The following MYRIP variants were observed in gnomAD, a reference collection of about 807,000 sequenced individuals.
MYRIP encodes rab effector MyRIP.
Under a neutral mutation model 98.0 loss-of-function variants are expected in MYRIP, and 49 were observed. That is an observed-to-expected ratio of 0.50 (90% CI 0.40 to 0.63). MYRIP has a LOEUF of 0.63. MYRIP is among the 30% of genes least tolerant of loss of function. The probability of loss-of-function intolerance (pLI) is 0.00; values close to 1 mark genes in which losing one functional copy is unlikely to be tolerated. For missense variants in MYRIP, 1,004 were observed against 1,058.2 expected (o/e 0.95, Z 0.71); for synonymous variants, 404 against 409.5 (o/e 0.99, Z 0.16).
intron 3 of MYRIP, among the ~76,000 whole-genome samples, chr3:40,129,064 A>G (rs1305367112): frequency 6.6e-6 from 1 of 152,124 alleles, no homozygotes; most frequent in Non-Finnish European, 1.5e-5. Context: ...TCCTTAAAAC[A>G]AAAATGACAA....
At position 39,899,881 on chromosome 3, in the gene MYRIP, C is replaced by T. The variant is rs550753859; in HGVS notation, c.-30-906C>T. Reference sequence around the variant, plus strand: ...TGTCACCCAGGCTGGAGTGCACTGGCGCGATCTCAGCTCACTGCAACCTCT... The same window carrying T: ...TGTCACCCAGGCTGGAGTGCACTGGTGCGATCTCAGCTCACTGCAACCTCT... On this transcript the variant is annotated intron_variant, in intron 1 of 16. Coordinates refer to ENST00000302541, the MANE Select transcript of MYRIP (RefSeq NM_015460.4). 6.6e-5 allele frequency among the ~76,000 whole-genome samples: 10 copies of T among 152,242 alleles called. No homozygotes were observed. The East Asian group carries it at 1.3e-3, about 21-fold the overall frequency.
At chr3:40,255,576 T>TC (rs1289614002) in intron 16 of MYRIP, among the ~76,000 whole-genome samples, 1 of 152,206 alleles carries the variant, frequency 6.6e-6, no homozygotes, top group Non-Finnish European at 1.5e-5. Flanking sequence ...AATAATTACT[T>TC]TCAAAGAAAG....
At chr3:39,947,363 C>T (rs1193329294) in intron 2 of MYRIP, among the ~76,000 whole-genome samples, 1 of 151,824 alleles carries the variant, frequency 6.6e-6, no homozygotes, top group Non-Finnish European at 1.5e-5. Context: ...TAAAATTCAG[C>T]TGGCTTGTTT....
intron 3 of MYRIP, among the ~76,000 whole-genome samples, chr3:40,060,607 G>T (rs922718913): frequency 4.0e-5 from 6 of 151,610 alleles, no homozygotes; most frequent in Non-Finnish European, 7.4e-5. Flanking sequence ...GAGAGAGAGA[G>T]AGAGAGAGAG....
At chr3:39,843,593 G>A (rs1173775457) in intron 1 of MYRIP, among the ~76,000 whole-genome samples, 1 of 152,204 alleles carries the variant, frequency 6.6e-6, no homozygotes, top group African/African-American at 2.4e-5. Context: ...CCATGGATAT[G>A]AGTCCATGGC....
intron 13 of MYRIP, 91 bp from the exon 14 acceptor site, chr3:40,250,131 G>A: frequency 9.5e-7 from 1 of 1,056,428 alleles, no homozygotes; most frequent in Admixed American, 2.0e-5. Context: ...CATCAAAGCA[G>A]ATTTGTCTTT....
chr3:39,821,232 A>C (rs1471346393), intron 1 of MYRIP, among the ~76,000 whole-genome samples: 6 of 152,274 alleles, frequency 3.9e-5, no homozygotes, highest in Middle Eastern at 3.4e-3. Flanking sequence ...TTCCTACTGG[A>C]GTGCAACACC....
At chr3:40,014,983 G>A (rs953006301) in intron 2 of MYRIP, among the ~76,000 whole-genome samples, 8 of 152,142 alleles carry the variant, frequency 5.3e-5, no homozygotes, top group African/African-American at 9.7e-5. Flanking sequence ...TGTCCAGACC[G>A]TGTGCCCAGG....
chr3:40,177,676 C>T (rs1197087909), intron 8 of MYRIP, among the ~76,000 whole-genome samples: 5 of 152,168 alleles, frequency 3.3e-5, no homozygotes, highest in African/African-American at 1.2e-4. Flanking sequence ...AGCCTTAAGA[C>T]GCAATATCCT....
At chr3:39,853,220 T>C (rs1942191718) in intron 1 of MYRIP, among the ~76,000 whole-genome samples, 1 of 152,208 alleles carries the variant, frequency 6.6e-6, no homozygotes, top group African/African-American at 2.4e-5. Flanking sequence ...TAAACATGCA[T>C]ATCAAGTGTC....
chr3:39,939,129 GC>G (rs34835531), intron 2 of MYRIP, among the ~76,000 whole-genome samples: 44,014 of 151,986 alleles, frequency 0.29, 6,736 homozygotes, highest in Middle Eastern at 0.4. Flanking sequence ...ACCATAGGCT[GC>G]CCCCAAATCT....
chr3:40,045,177 C>G (rs565675646), intron 3 of MYRIP, among the ~76,000 whole-genome samples: 1 of 152,230 alleles, frequency 6.6e-6, no homozygotes, highest in African/African-American at 2.4e-5. Flanking sequence ...CCTGTTTACT[C>G]GCTTGTATCC....
intron 4 of MYRIP, among the ~76,000 whole-genome samples, chr3:40,155,172 T>C (rs1048629101): frequency 5.6e-5 from 7 of 123,942 alleles, no homozygotes; most frequent in Non-Finnish European, 1.1e-4. Flanking sequence ...CCCCAGAGTG[T>C]GATGTTCCCC....
chr3:40,234,997 A>AC (rs1249285138), intron 12 of MYRIP, among the ~76,000 whole-genome samples: 1 of 149,842 alleles, frequency 6.7e-6, no homozygotes, highest in East Asian at 1.9e-4. Context: ...TGTCTCAAAA[A>AC]AAAAAAAAAA....
chr3:39,817,630 A>G (rs1009228225), intron 1 of MYRIP, among the ~76,000 whole-genome samples: 5 of 152,210 alleles, frequency 3.3e-5, no homozygotes, highest in African/African-American at 4.8e-5. Flanking sequence ...AAAATTATCA[A>G]TGGAATGTGT....
At chr3:40,250,593 A>G (rs1421834456) in intron 15 of MYRIP, 94 bp downstream of exon 15, 1 of 1,389,920 alleles carries the variant, frequency 7.2e-7, no homozygotes, top group Admixed American at 1.8e-5. Flanking sequence ...AATTAGATCT[A>G]ATGGAGTGTT....
At position 40,258,242 on chromosome 3, in the gene MYRIP, G is replaced by C. The variant is rs1199752883; in HGVS notation, c.*76G>C. On this transcript the variant is annotated 3_prime_UTR_variant, in exon 17 of 17. Transcript: ENST00000302541. ...AGTGCCTTGACCCAACAGCCATCGA[G>C]TACTGTATGTATTTCCACCTGAGGA... 2 of 1,550,524 alleles carry C rather than the reference G, an allele frequency of 1.3e-6. No homozygotes were observed. Among genetic ancestry groups the C allele is most frequent in the Non-Finnish European group, 1.8e-6 (2 of 1,122,726 alleles).
chr3:39,895,847 G>A (rs868078829), intron 1 of MYRIP, among the ~76,000 whole-genome samples: 8 of 152,182 alleles, frequency 5.3e-5, no homozygotes, highest in Admixed American at 6.5e-5. Context: ...CCTGAGATCA[G>A]GTACTAAGTC....
intron 10 of MYRIP, among the ~76,000 whole-genome samples, chr3:40,201,948 C>A (rs539141754): frequency 8.5e-5 from 13 of 152,254 alleles, no homozygotes; most frequent in Non-Finnish European, 1.3e-4. Context: ...GCAGCAGAGT[C>A]CAGCAGCCCC....
Sources: allele counts gnomAD v4.1 joint callset (sites outside exome capture counted in the v4.1 genomes callset), GRCh38; gene constraint gnomAD v4.1.1; transcripts MANE v1.5; gene names NCBI Gene and HGNC (gene_info 2026-07-23, HGNC 2026-07-21).